HDAC4: variants seen among roughly 807,000 people sequenced by gnomAD.
HDAC4 encodes histone deacetylase A.
A neutral mutation model predicts 135.1 loss-of-function variants in HDAC4; 16 were observed. The observed-to-expected ratio is 0.12, with a 90% CI of 0.08 to 0.18. The LOEUF is 0.18. HDAC4 is among the 10% of genes least tolerant of loss of function. The pLI, the probability that HDAC4 is intolerant of heterozygous loss-of-function variation, is 1.00. For missense variants in HDAC4, 1,143 were observed against 1,511.8 expected (o/e 0.76, Z 4.05); for synonymous variants, 685 against 653.4 (o/e 1.05, Z -0.74).
chr2:239,397,081 C>T (rs1250692772), intron 1 of HDAC4, among the ~76,000 whole-genome samples: 1 of 152,252 alleles, frequency 6.6e-6, no homozygotes, highest in African/African-American at 2.4e-5. Context: ...CAACACAGCA[C>T]TAGAAAGTCT....
At chr2:239,117,565 C>CAAA (rs34154007) in intron 12 of HDAC4, among the ~76,000 whole-genome samples, 9 of 116,296 alleles carry the variant, frequency 7.7e-5, no homozygotes, top group Non-Finnish European at 1.2e-4. Flanking sequence ...CGGGAAGTGG[C>CAAA]AAAAAAAAAA....
intron 12 of HDAC4, among the ~76,000 whole-genome samples, chr2:239,118,661 C>T (rs1266625869): frequency 5.3e-5 from 8 of 152,220 alleles, no homozygotes; most frequent in East Asian, 1.9e-4. Flanking sequence ...TCCCTTGTGG[C>T]GATCATTTCA....
At chr2:239,310,949 G>C (rs1405394526) in intron 2 of HDAC4, among the ~76,000 whole-genome samples, 1 of 152,240 alleles carries the variant, frequency 6.6e-6, no homozygotes, top group Non-Finnish European at 1.5e-5. Context: ...ACGTTAACCT[G>C]CTTGAGCCCT....
In HDAC4 at chr2:239,054,849, T is replaced by A; in HGVS notation, c.3004-16A>T. The A allele has an allele frequency of 6.4e-7, 1 of 1,563,774 alleles. No homozygotes were observed. The highest frequency in any genetic ancestry group is 8.8e-7 in the Non-Finnish European group (1 of 1,134,098). On this transcript the variant is annotated splice_polypyrimidine_tract_variant and intron_variant, in intron 24 of 26. Transcript: ENST00000543185. ...GAGGATCAAGCTGGAAGAAAATGCA[T>A]AAGAATATAAAGACTGCCAATATAA...
Position 239,048,632 on chromosome 2 carries a change from G to C in HDAC4, c.*4465C>G, listed in dbSNP as rs1294843098. ...TCATTCTCATCAATTGGAAAATAGCGCCTCCACTATGGAGCACACACGGCA... is the reference window on the plus strand; with the variant it reads ...TCATTCTCATCAATTGGAAAATAGCCCCTCCACTATGGAGCACACACGGCA... On this transcript the variant is annotated 3_prime_UTR_variant, in exon 27 of 27. Transcript: ENST00000543185. The C allele has an allele frequency of 6.6e-6, 1 of 151,694 alleles. No homozygotes were observed. The highest frequency in any genetic ancestry group is 1.5e-5 in the Non-Finnish European group (1 of 68,004). The allele number at this position is 151,694 out of a possible 1,614,324, so 9.4% of individuals were successfully genotyped here. A position where few individuals can be genotyped will look rare whatever the true frequency, so the allele number is the denominator to read the frequency against.
At chr2:239,165,205 G>T (rs1192586224) in intron 5 of HDAC4, among the ~76,000 whole-genome samples, 1 of 151,990 alleles carries the variant, frequency 6.6e-6, no homozygotes, top group East Asian at 1.9e-4. Context: ...CCTGCGCAAT[G>T]CGAGTTTAGA....
At chr2:239,401,621 T>C (rs1426965463), upstream of HDAC4, 3 of 250,566 alleles carry the variant, frequency 1.2e-5, no homozygotes, top group South Asian at 3.7e-5. Context: ...CGGCCAGGCC[T>C]CGCCGCGGCG....
At chr2:239,216,703 A>G (rs2046659650) in intron 3 of HDAC4, among the ~76,000 whole-genome samples, 1 of 151,816 alleles carries the variant, frequency 6.6e-6, no homozygotes, top group Non-Finnish European at 1.5e-5. Flanking sequence ...GCCCTGCTGC[A>G]CTCCTTCCTC....
At position 239,116,079 on chromosome 2, in the gene HDAC4, C is replaced by T. The variant is rs570310186; in HGVS notation, c.1534-769G>A. Among the ~76,000 whole-genome samples the T allele has an allele frequency of 7.2e-5, 11 of 152,326 alleles. No homozygotes were observed. In the East Asian group the frequency reaches 1.2e-3, roughly 16 times the overall value. On this transcript the variant is annotated intron_variant, in intron 12 of 26. Transcript: ENST00000543185. ...ACGGACGCTTCTCGGTCTCCCTCCC[C>T]GGCCTCTCAGTGCGGAACAGGCGGC... is the stretch of plus-strand genomic sequence containing the variant.
chr2:239,310,482 G>C (rs549403404), intron 2 of HDAC4, among the ~76,000 whole-genome samples: 1 of 152,274 alleles, frequency 6.6e-6, no homozygotes, highest in African/African-American at 2.4e-5. Context: ...TGATGTTCCC[G>C]GGGGGATGGC....
At chr2:239,266,626 C>G (rs911308262) in intron 2 of HDAC4, among the ~76,000 whole-genome samples, 1 of 152,230 alleles carries the variant, frequency 6.6e-6, no homozygotes, top group African/African-American at 2.4e-5. Context: ...ATGGCTTCCA[C>G]ACACCCAAAG....
intron 6 of HDAC4, among the ~76,000 whole-genome samples, chr2:239,163,092 C>CA (rs765946421): frequency 6.9e-4 from 105 of 151,848 alleles, no homozygotes; most frequent in Non-Finnish European, 7.7e-4. Context: ...TGAACTCTCC[C>CA]CCGAAGGCCT....
At position 239,180,744 on chromosome 2, in the gene HDAC4, G is replaced by A. The variant is rs201218490; in HGVS notation, c.340-4181C>T. 7.8e-4 allele frequency among the ~76,000 whole-genome samples: 119 copies of A among 152,298 alleles called. No homozygotes were observed. In the East Asian group the frequency reaches 0.021, roughly 27 times the overall value. The stretch of plus-strand genomic sequence containing the variant: ...CATGAGTGCCCCATGTGGATGGAAG[G>A]GTGTGCTGGGCCGCTGCCCCCCATG... On this transcript the variant is annotated intron_variant, in intron 4 of 26. Coordinates refer to ENST00000543185, the MANE Select transcript of HDAC4 (RefSeq NM_001378414.1).
chr2:239,205,738 A>T (rs2046007663), intron 3 of HDAC4, among the ~76,000 whole-genome samples: 1 of 152,122 alleles, frequency 6.6e-6, no homozygotes, highest in African/African-American at 2.4e-5. Flanking sequence ...AGAACAAAGA[A>T]GGAAGAAGGA....
chr2:239,365,727 C>G (rs1175835092), intron 1 of HDAC4, among the ~76,000 whole-genome samples: 17 of 134,866 alleles, frequency 1.3e-4, no homozygotes, highest in East Asian at 7.1e-4. Context: ...CATGCACAGA[C>G]CAGGGTCGTC....
chr2:239,231,389 T>C (rs2047544587), intron 3 of HDAC4, among the ~76,000 whole-genome samples: 1 of 152,154 alleles, frequency 6.6e-6, no homozygotes, highest in South Asian at 2.1e-4. Flanking sequence ...TGTCCTGCCC[T>C]GTAATGTATA....
In HDAC4 at chr2:239,236,598, C is replaced by T. The variant is rs1575488493; in HGVS notation, c.89G>A (p.Ser30Asn). Residue 30 changes from serine to asparagine, a missense_variant, in exon 3 of 27, where the codon AGC becomes AAC. Coordinates refer to ENST00000543185, the MANE Select transcript of HDAC4 (RefSeq NM_001378414.1). ...GCAGGGGTGGGCGGACTTACCCGTG[C>T]TGGGCATGTGGTTCACGCGGGCAGG... ...LNPARVNHMP[S>N]TVDVATALPL... The T allele has an allele frequency of 6.4e-7, 1 of 1,551,572 alleles. No individual in the cohort carries two copies. The highest frequency in any genetic ancestry group is 2.4e-5 in the East Asian group (1 of 40,922).
intron 3 of HDAC4, among the ~76,000 whole-genome samples, chr2:239,206,911 T>C (rs965690531): frequency 1.3e-5 from 2 of 152,248 alleles, no homozygotes; most frequent in Non-Finnish European, 2.9e-5. Context: ...AAAGAGTCCC[T>C]ATCTTTTAGA....
chr2:239,262,913 A>C lies in HDAC4; in HGVS notation c.23-26249T>G, dbSNP rs1399287301. 6.6e-6 allele frequency among the ~76,000 whole-genome samples: 1 copy of C among 152,048 alleles called. No individual in the cohort carries two copies. The highest frequency in any genetic ancestry group is 2.4e-5 in the African/African-American group (1 of 41,402). ...GGATCCCTCACTGGAAGGTCACGGC[A>C]CCACTGAGACAGCCTGGAAGCTTCT... On this transcript the variant is annotated intron_variant, in intron 2 of 26. Transcript: ENST00000543185. This position sits in a 1 kb window ranked among gnomAD's most constrained non-coding sequence, Gnocchi z 4.1.
Sources: allele counts gnomAD v4.1 joint callset (sites outside exome capture counted in the v4.1 genomes callset), GRCh38; gene constraint gnomAD v4.1.1; non-coding constraint Gnocchi (gnomAD v3.1); transcripts MANE v1.5; gene names NCBI Gene and HGNC (gene_info 2026-07-23, HGNC 2026-07-21).